The following FBXO40 variants were observed in gnomAD, a reference collection of about 807,000 sequenced individuals.
FBXO40 encodes F-box only protein 40.
Under a neutral mutation model 49.9 loss-of-function variants are expected in FBXO40, and 50 were observed. The ratio of observed to expected loss-of-function variants is 1.00; its 90% confidence interval spans 0.80 to 1.27. The LOEUF is 1.27. FBXO40 is among the 50% of genes most tolerant of loss of function. The probability of loss-of-function intolerance (pLI) is 0.00; values close to 1 mark genes in which losing one functional copy is unlikely to be tolerated. For missense variants in FBXO40, 895 were observed against 870.1 expected (o/e 1.03, Z -0.36); for synonymous variants, 340 against 320.2 (o/e 1.06, Z -0.66).
intron 3 of FBXO40, among the ~76,000 whole-genome samples, chr3:121,626,301 T>C (rs1458918549): frequency 1.3e-5 from 2 of 152,176 alleles, no homozygotes; most frequent in Non-Finnish European, 2.9e-5. Flanking sequence ...GCAGTTCAAG[T>C]AGAGAAAGAA....
At chr3:121,624,281 C>T (rs1006722341) in intron 3 of FBXO40, among the ~76,000 whole-genome samples, 5 of 152,112 alleles carry the variant, frequency 3.3e-5, no homozygotes, top group South Asian at 2.1e-4. Context: ...TGAGCCACTG[C>T]GCCCGGCCTT....
intron 1 of FBXO40, among the ~76,000 whole-genome samples, chr3:121,608,330 G>A (rs1400021849): frequency 1.3e-5 from 2 of 152,158 alleles, no homozygotes; most frequent in African/African-American, 4.8e-5. Flanking sequence ...CATTAAAAAG[G>A]CATGCTTGGA....
chr3:121,602,375 C>T (rs2048905082), intron 1 of FBXO40, among the ~76,000 whole-genome samples: 1 of 152,204 alleles, frequency 6.6e-6, no homozygotes, highest in Non-Finnish European at 1.5e-5. Context: ...TTGTATTAAA[C>T]TTTCAGGACC....
Position 121,627,151 on chromosome 3 carries a change from T to A in FBXO40, c.*241T>A. On this transcript the variant is annotated 3_prime_UTR_variant, in exon 4 of 4. Transcript: ENST00000338040. ...CCTTTTTTCTTTTCTTTTCTTTTCTTTTTTCTTTCTTTCTAAAATAGATTG... is the reference window on the plus strand; with the variant it reads ...CCTTTTTTCTTTTCTTTTCTTTTCTATTTTCTTTCTTTCTAAAATAGATTG... 2.0e-6 allele frequency: 1 copy of A among 499,014 alleles called. No homozygotes were observed. Among genetic ancestry groups the A allele is most frequent in the Non-Finnish European group, 3.6e-6 (1 of 277,336 alleles). The allele number at this position is 499,014 out of a possible 1,614,324, so 30.9% of individuals were successfully genotyped here. A position where few individuals can be genotyped will look rare whatever the true frequency, so the allele number is the denominator to read the frequency against.
chr3:121,621,374 G>A (rs1368512286), intron 2 of FBXO40, 59 bp from the exon 3 acceptor site: 11 of 1,445,030 alleles, frequency 7.6e-6, no homozygotes, highest in African/African-American at 4.2e-5. Context: ...TCATAGACAT[G>A]CATAGAGCTT....
At chr3:121,626,635 A>T in intron 3 of FBXO40, 60 bp from the exon 4 acceptor site, 2 of 1,505,382 alleles carry the variant, frequency 1.3e-6, no homozygotes, top group Non-Finnish European at 1.8e-6. Context: ...GTGCCCAAAT[A>T]AAGCCAGCCA....
At chr3:121,613,659 G>C (rs1251020199) in intron 1 of FBXO40, among the ~76,000 whole-genome samples, 1 of 152,182 alleles carries the variant, frequency 6.6e-6, no homozygotes, top group Non-Finnish European at 1.5e-5. Flanking sequence ...TTCTAATCTT[G>C]TCACATATGG....
At chr3:121,612,044 A>T (rs887332423) in intron 1 of FBXO40, among the ~76,000 whole-genome samples, 1 of 152,190 alleles carries the variant, frequency 6.6e-6, no homozygotes, top group African/African-American at 2.4e-5. Flanking sequence ...GGAGTATCTT[A>T]TGTCTTCCCT....
chr3:121,622,667 T>G lies in FBXO40; in HGVS notation c.1238T>G (p.Ile413Ser), dbSNP rs749510221. ...GAAAGAGAACTCAAAGGCCACGTCA[T>G]CTCTGAATCCAGAAGCATTGATGGA... ...ALERELKGHV[I>S]SESRSIDGLF... The change falls in exon 3 of 4, where the codon ATC (isoleucine) becomes AGC (serine). Residue 413 changes from isoleucine (I) to serine (S), a missense_variant. Transcript: ENST00000338040. The G allele has an allele frequency of 6.2e-7, 1 of 1,614,186 alleles. No individual in the cohort carries two copies. Among genetic ancestry groups the G allele is most frequent in the South Asian group, 1.1e-5 (1 of 91,076 alleles).
intron 1 of FBXO40, among the ~76,000 whole-genome samples, chr3:121,599,168 T>C (rs1172994385): frequency 6.6e-6 from 1 of 152,096 alleles, no homozygotes; most frequent in Non-Finnish European, 1.5e-5. Context: ...GAAGCAAGAA[T>C]TTAAATGTGA....
In FBXO40 at chr3:121,600,161, G is replaced by T. The variant is rs118188063; in HGVS notation, c.-31+6659G>T. ...TCCTCCTGTGCCAGCCCTCCAAGCA[G>T]CTAAGACTACAGGCATGTGTCACAC... On this transcript the variant is annotated intron_variant, in intron 1 of 3. Coordinates refer to ENST00000338040, the MANE Select transcript of FBXO40 (RefSeq NM_016298.4). 1.4e-4 allele frequency among the ~76,000 whole-genome samples: 21 copies of T among 147,604 alleles called. No individual in the cohort carries two copies. The East Asian group carries it at 3.6e-3, about 25-fold the overall frequency.
In FBXO40 at chr3:121,623,242, A is replaced by T; in HGVS notation, c.1813A>T (p.Asn605Tyr). The change falls in exon 3 of 4, where the codon AAT becomes TAT. Residue 605 changes from asparagine to tyrosine, a missense_variant. Asn to Tyr is a moderately radical substitution (Grantham distance 143, BLOSUM62 -2). Coordinates refer to ENST00000338040, the MANE Select transcript of FBXO40 (RefSeq NM_016298.4). ...CTCCCAGGTGTCTGTGCTGATGAGG[A>T]ATATCTGTGCCACTTTGTTACAAGA... ...QLSQVSVLMR[N>Y]ICATLLQERG... is the part of the protein sequence containing the mutation. 6.2e-7 allele frequency: 1 copy of T among 1,614,184 alleles called. No homozygotes were observed. Among genetic ancestry groups the T allele is most frequent in the Non-Finnish European group, 8.5e-7 (1 of 1,180,036 alleles).
intron 1 of FBXO40, among the ~76,000 whole-genome samples, chr3:121,617,350 C>G (rs2049002910): frequency 6.6e-6 from 1 of 152,094 alleles, no homozygotes; most frequent in Non-Finnish European, 1.5e-5. Context: ...AATCCCAGCA[C>G]TTTGGGAGGC....
chr3:121,606,503 A>G (rs1466140540), intron 1 of FBXO40, among the ~76,000 whole-genome samples: 1 of 152,234 alleles, frequency 6.6e-6, no homozygotes, highest in African/African-American at 2.4e-5. Flanking sequence ...TAAATACCCT[A>G]GTTGAACTGA....
intron 1 of FBXO40, among the ~76,000 whole-genome samples, chr3:121,603,495 T>C (rs1335979416): frequency 1.3e-5 from 2 of 152,210 alleles, no homozygotes; most frequent in Non-Finnish European, 2.9e-5. Context: ...ACATTATCTT[T>C]AAGCAAAGAG....
intron 3 of FBXO40, among the ~76,000 whole-genome samples, chr3:121,624,712 T>G (rs1448158723): frequency 2.6e-5 from 4 of 152,128 alleles, no homozygotes; most frequent in Non-Finnish European, 4.4e-5. Context: ...GAAGGTGCCT[T>G]TATCAGGCGG....
intron 3 of FBXO40, among the ~76,000 whole-genome samples, chr3:121,624,010 G>A (rs2049049189): frequency 9.7e-6 from 1 of 103,232 alleles, no homozygotes. Flanking sequence ...TTTTTTCTGA[G>A]ATGGAGTTTT....
At chr3:121,604,009 C>T (rs934436462) in intron 1 of FBXO40, among the ~76,000 whole-genome samples, 1 of 152,244 alleles carries the variant, frequency 6.6e-6, no homozygotes, top group African/African-American at 2.4e-5. Flanking sequence ...TGGGCCACCA[C>T]GCCCAGCTCT....
chr3:121,625,785 A>G (rs1327923460), intron 3 of FBXO40, among the ~76,000 whole-genome samples: 1 of 152,220 alleles, frequency 6.6e-6, no homozygotes, highest in Non-Finnish European at 1.5e-5. Flanking sequence ...ATTAGAATGG[A>G]TTTTTAAAGT....
Sources: allele counts gnomAD v4.1 joint callset (sites outside exome capture counted in the v4.1 genomes callset), GRCh38; gene constraint gnomAD v4.1.1; transcripts MANE v1.5; gene names NCBI Gene and HGNC (gene_info 2026-07-23, HGNC 2026-07-21).